MYO3B: variants seen among roughly 807,000 people sequenced by gnomAD.
The protein encoded by MYO3B is myosin-IIIb.
MYO3B carries 156 observed loss-of-function variants against 174.6 expected under a neutral mutation model. That is an observed-to-expected ratio of 0.89 (90% CI 0.78 to 1.02). The LOEUF (loss-of-function observed/expected upper bound fraction) is 1.02, where lower values mean the gene tolerates loss of function less well. Ranked by LOEUF, MYO3B falls within the 50% of genes least tolerant of loss-of-function variation. The probability of loss-of-function intolerance (pLI) is 0.00; values close to 1 mark genes in which losing one functional copy is unlikely to be tolerated. For missense variants in MYO3B, 1,632 were observed against 1,639.4 expected (o/e 1.00, Z 0.08); for synonymous variants, 563 against 569.1 (o/e 0.99, Z 0.15).
chr2:170,469,242 A>G (rs911004581), intron 25 of MYO3B, among the ~76,000 whole-genome samples: 4 of 152,212 alleles, frequency 2.6e-5, no homozygotes, highest in Admixed American at 6.5e-5. Context: ...TTCAGTATAT[A>G]ACATCTGGAA....
At position 170,386,196 on chromosome 2, in the gene MYO3B, T is replaced by C. The variant is rs2105749946; in HGVS notation, c.1298T>C (p.Val433Ala). Residue 433 changes from valine to alanine, a missense_variant, in exon 13 of 35, where the codon GTC (valine) becomes GCC (alanine). By Grantham distance (64) the Val-to-Ala change is moderately conservative (BLOSUM62 0). Coordinates refer to ENST00000408978, the MANE Select transcript of MYO3B (RefSeq NM_138995.5). The part of the protein sequence containing the change: ...MVTLSKDQCI[V>A]ISGESGSGKT... The stretch of plus-strand genomic sequence containing the variant: ...CTCCATTTTCTGTGCCAGTGCATTG[T>C]CATCAGCGGAGAGAGTGGCTCTGGG... 1 of 1,613,456 alleles carries C rather than the reference T, an allele frequency of 6.2e-7. No individual in the cohort carries two copies. The highest frequency in any genetic ancestry group is 1.7e-5 in the Admixed American group (1 of 59,960).
chr2:170,516,715 A>G (rs1312026046), intron 29 of MYO3B, among the ~76,000 whole-genome samples: 1 of 151,828 alleles, frequency 6.6e-6, no homozygotes, highest in African/African-American at 2.4e-5. Flanking sequence ...TTCCTCTAGA[A>G]CTCCACTCCA....
intron 7 of MYO3B, among the ~76,000 whole-genome samples, chr2:170,246,278 G>T (rs1357374779): frequency 6.6e-6 from 1 of 152,150 alleles, no homozygotes; most frequent in Non-Finnish European, 1.5e-5. Context: ...ATGGAAGTGT[G>T]TTGCACATTA....
chr2:170,622,269 T>C (rs1022357854), intron 32 of MYO3B, among the ~76,000 whole-genome samples: 1 of 152,216 alleles, frequency 6.6e-6, no homozygotes, highest in Admixed American at 6.5e-5. Context: ...GTTTTGAAGC[T>C]AGAAATTGTG....
chr2:170,572,710 T>C (rs1183964910), intron 32 of MYO3B, among the ~76,000 whole-genome samples: 1 of 152,046 alleles, frequency 6.6e-6, no homozygotes, highest in Non-Finnish European at 1.5e-5. Context: ...ATGCACCCCT[T>C]GTACAACATG....
At chr2:170,219,103 G>C (rs935561037) in intron 6 of MYO3B, among the ~76,000 whole-genome samples, 3 of 152,190 alleles carry the variant, frequency 2.0e-5, no homozygotes, top group African/African-American at 7.2e-5. Context: ...CAGGCCTCTG[G>C]AAAATTCCTC....
At chr2:170,444,507 G>A (rs980107319) in intron 23 of MYO3B, among the ~76,000 whole-genome samples, 5 of 152,272 alleles carry the variant, frequency 3.3e-5, no homozygotes, top group South Asian at 2.1e-4. Flanking sequence ...TTTAACAAGA[G>A]TCTTAAGGAC....
intron 30 of MYO3B, among the ~76,000 whole-genome samples, chr2:170,521,363 C>T (rs1389878048): frequency 1.3e-5 from 2 of 152,188 alleles, no homozygotes; most frequent in African/African-American, 4.8e-5. Context: ...GGTTGGAAGA[C>T]TTGGTTTCTG....
intron 3 of MYO3B, among the ~76,000 whole-genome samples, chr2:170,207,092 C>T (rs1332243120): frequency 1.3e-5 from 2 of 152,140 alleles, no homozygotes; most frequent in African/African-American, 2.4e-5. Flanking sequence ...CCCTTGTTAT[C>T]AAGAGGTCTC....
intron 32 of MYO3B, among the ~76,000 whole-genome samples, chr2:170,617,032 C>A (rs111228522): frequency 1.2e-3 from 176 of 152,272 alleles, no homozygotes; most frequent in African/African-American, 4.1e-3. Context: ...TGTCTTAGAT[C>A]ATTAATTTGA....
chr2:170,378,529 A>G (rs2094311003), intron 9 of MYO3B, among the ~76,000 whole-genome samples: 1 of 152,198 alleles, frequency 6.6e-6, no homozygotes, highest in African/African-American at 2.4e-5. Flanking sequence ...TTGTTAATAC[A>G]ATATTATTGG....
intron 8 of MYO3B, among the ~76,000 whole-genome samples, chr2:170,348,874 G>A (rs555351316): frequency 3.3e-5 from 5 of 152,246 alleles, no homozygotes; most frequent in African/African-American, 1.2e-4. Flanking sequence ...GCTTTTTCTG[G>A]CTACCCAGAA....
At chr2:170,476,890 G>T (rs1009411711) in intron 25 of MYO3B, among the ~76,000 whole-genome samples, 1 of 152,024 alleles carries the variant, frequency 6.6e-6, no homozygotes, top group African/African-American at 2.4e-5. Context: ...TGGGTTGGGG[G>T]TTAATGGCCC....
intron 7 of MYO3B, among the ~76,000 whole-genome samples, chr2:170,295,401 T>C (rs924469301): frequency 2.0e-5 from 3 of 152,054 alleles, no homozygotes; most frequent in Admixed American, 2.0e-4. Flanking sequence ...TTTGAAACTA[T>C]ATAATTGATT....
intron 3 of MYO3B, among the ~76,000 whole-genome samples, chr2:170,205,743 C>T (rs773951451): frequency 4.6e-5 from 7 of 152,048 alleles, no homozygotes; most frequent in Non-Finnish European, 1.0e-4. Context: ...AATGGATACT[C>T]CAGCTCCTAG....
chr2:170,328,888 G>C (rs1376782615), intron 7 of MYO3B, among the ~76,000 whole-genome samples: 1 of 152,082 alleles, frequency 6.6e-6, no homozygotes, highest in East Asian at 1.9e-4. Flanking sequence ...ATTAAGGCCG[G>C]GTGCGGTGGC....
chr2:170,329,340 G>A lies in MYO3B; in HGVS notation c.750-6045G>A, dbSNP rs2093895140. The stretch of plus-strand genomic sequence containing the variant: ...AAAGAATATAACCCATACTGATAAT[G>A]GGGAGGAGACTGTATAATGAGGAGG... On this transcript the variant is annotated intron_variant, in intron 7 of 34. Coordinates refer to ENST00000408978, the MANE Select transcript of MYO3B (RefSeq NM_138995.5). Among the ~76,000 whole-genome samples, 2 of 151,688 alleles carry A rather than the reference G, an allele frequency of 1.3e-5. 1 individual carries two copies. The highest frequency in any genetic ancestry group is 4.8e-5 in the African/African-American group (2 of 41,240).
At chr2:170,538,180 T>C (rs1465526398) in intron 30 of MYO3B, among the ~76,000 whole-genome samples, 2 of 152,224 alleles carry the variant, frequency 1.3e-5, no homozygotes, top group Non-Finnish European at 2.9e-5. Flanking sequence ...CAAGCTTGAC[T>C]GATCAGATAC....
rs138444549 is a variant in MYO3B, at chr2:170,605,207, C to T, written c.3734-46421C>T. ...CATGGTTTTCTTAAACCACTCTCTT[C>T]TCAGCTTCTGTGAAGACTCACCCTT... On this transcript the variant is annotated intron_variant, in intron 32 of 34. Transcript: ENST00000408978. 1.6e-3 allele frequency among the ~76,000 whole-genome samples: 242 copies of T among 152,330 alleles called. 2 individuals carry two copies. In the Middle Eastern group the frequency reaches 0.041, roughly 26 times the overall value.
Sources: gnomAD v4.1 joint callset for allele counts (sites outside exome capture counted in the v4.1 genomes callset) on GRCh38, gnomAD v4.1.1 for gene constraint, MANE v1.5 for transcripts, NCBI Gene and HGNC (gene_info 2026-07-23, HGNC 2026-07-21) for gene names.